The following BLTP2 variants were observed in gnomAD, a reference collection of about 807,000 sequenced individuals.
BLTP2 encodes bridge-like lipid transfer protein family member 2.
chr17:28,633,108 C>T, the BLTP2 span: 1 of 1,590,058 alleles, frequency 6.3e-7, no homozygotes, highest in Non-Finnish European at 8.6e-7. Flanking sequence ...ACAGCCACTG[C>T]AGGTCCAGTG....
chr17:28,642,384 GCTCACGCCTGTAAC>G, the BLTP2 span: 20 of 1,520,368 alleles, frequency 1.3e-5, no homozygotes, highest in Admixed American at 2.0e-4. Flanking sequence ...GGGCGCGGTG[GCTCACGCCTGTAAC>G]CCCAGCACTT....
chr17:28,643,924 C>T, the BLTP2 span: 1 of 1,209,412 alleles, frequency 8.3e-7, no homozygotes, highest in East Asian at 2.3e-5. Context: ...CTAAGATCAT[C>T]TTGGCAAAGA....
chr17:28,624,980 C>G, the BLTP2 span, among the ~76,000 whole-genome samples: 8 of 152,186 alleles, frequency 5.3e-5, no homozygotes, highest in Non-Finnish European at 1.0e-4. Context: ...CTTGGGCAGT[C>G]TGCCCTCTTT....
chr17:28,643,378 C>T, the BLTP2 span: 35 of 1,583,980 alleles, frequency 2.2e-5, no homozygotes, highest in Admixed American at 8.4e-5. Flanking sequence ...TCCCCACCCT[C>T]ACATTCACTT....
chr17:28,624,269 G>A, the BLTP2 span: 4 of 1,614,210 alleles, frequency 2.5e-6, no homozygotes, highest in Non-Finnish European at 3.4e-6. Context: ...AGTTTCGGTT[G>A]TATATGTCAT....
At chr17:28,637,912 C>T in the BLTP2 span, 1 of 1,614,160 alleles carries the variant, frequency 6.2e-7, no homozygotes, top group Non-Finnish European at 8.5e-7. Flanking sequence ...ACACAGATTC[C>T]CCAAATGAAG....
chr17:28,628,654 G>T, the BLTP2 span: 1 of 1,026,232 alleles, frequency 9.7e-7, no homozygotes, highest in Non-Finnish European at 1.4e-6. Context: ...AAACCTGTTG[G>T]CCAGATGCCA....
At chr17:28,620,931 TA>T in the BLTP2 span, 88 of 1,488,000 alleles carry the variant, frequency 5.9e-5, no homozygotes, top group Non-Finnish European at 8.0e-5. Context: ...ACCAAGGAAA[TA>T]ACTACTTTCA....
the BLTP2 span, chr17:28,640,543 G>A: frequency 6.2e-7 from 1 of 1,613,732 alleles, no homozygotes; most frequent in Non-Finnish European, 8.5e-7. Flanking sequence ...CATCTTCTGT[G>A]TCAGGAGAGA....
chr17:28,634,554 C>A, the BLTP2 span: 2 of 1,614,048 alleles, frequency 1.2e-6, no homozygotes, highest in Non-Finnish European at 8.5e-7. Flanking sequence ...GCATTCGACA[C>A]CACTGAATGA....
chr17:28,630,213 G>A, the BLTP2 span, among the ~76,000 whole-genome samples: 1 of 151,972 alleles, frequency 6.6e-6, no homozygotes, highest in Non-Finnish European at 1.5e-5. Flanking sequence ...CTGGAGAGCA[G>A]TGATGCGGTC....
At chr17:28,616,117 A>T in the BLTP2 span, 2 of 1,613,644 alleles carry the variant, frequency 1.2e-6, no homozygotes, top group Non-Finnish European at 1.7e-6. The surrounding 1 kb of genome is among the most constrained non-coding windows in gnomAD (Gnocchi z 4.8). Flanking sequence ...CACACAGTGG[A>T]ACCTGTGGAA....
chr17:28,643,012 C>A, the BLTP2 span: 1 of 1,526,208 alleles, frequency 6.6e-7, no homozygotes, highest in South Asian at 1.1e-5. Flanking sequence ...CAAGGATGAA[C>A]AATAATTAAT....
the BLTP2 span, among the ~76,000 whole-genome samples, chr17:28,623,155 A>T: frequency 6.6e-6 from 1 of 152,222 alleles, no homozygotes; most frequent in East Asian, 1.9e-4. Flanking sequence ...ACTTAAAAAA[A>T]AAAATAAGAG....
the BLTP2 span, among the ~76,000 whole-genome samples, chr17:28,644,750 C>A: frequency 2.0e-5 from 3 of 152,178 alleles, no homozygotes; most frequent in African/African-American, 7.2e-5. Context: ...CTGGCCTCAG[C>A]ATTTCCTCAG....
At chr17:28,624,819 C>T in the BLTP2 span, among the ~76,000 whole-genome samples, 4 of 152,144 alleles carry the variant, frequency 2.6e-5, no homozygotes, top group Non-Finnish European at 5.9e-5. Context: ...TGTCTCCAGG[C>T]CCTCTTCCTT....
chr17:28,640,764 C>A, the BLTP2 span: 1 of 1,341,754 alleles, frequency 7.5e-7, no homozygotes, highest in South Asian at 1.2e-5. Flanking sequence ...CCTCTATGGT[C>A]AAATCCTCCC....
the BLTP2 span, chr17:28,638,701 G>T: frequency 1.0e-6 from 1 of 996,434 alleles, no homozygotes; most frequent in South Asian, 1.5e-5. Flanking sequence ...TCCTATCATG[G>T]AACAGTTTCT....
the BLTP2 span, among the ~76,000 whole-genome samples, chr17:28,630,540 G>A: frequency 6.8e-6 from 1 of 147,386 alleles, no homozygotes; most frequent in African/African-American, 2.5e-5. Context: ...GAGCGCACTG[G>A]TGTGACCTCG....
Sources: allele counts gnomAD v4.1 joint callset (sites outside exome capture counted in the v4.1 genomes callset), GRCh38; gene constraint gnomAD v4.1.1; non-coding constraint Gnocchi (gnomAD v3.1); transcripts MANE v1.5; gene names NCBI Gene and HGNC (gene_info 2026-07-23, HGNC 2026-07-21).